The following DGKB variants were observed in gnomAD, a reference collection of about 807,000 sequenced individuals.
DGKB encodes the protein diacylglycerol kinase beta, also known as 90 kDa diacylglycerol kinase.
In DGKB, 67 loss-of-function variants were observed where a neutral mutation model predicts 114.3. The observed-to-expected ratio is 0.59, with a 90% CI of 0.48 to 0.72. DGKB has a LOEUF of 0.72. Among genes scored for constraint, DGKB ranks in the 30% least tolerant of loss-of-function variants. DGKB has a pLI of 0.00. For missense variants in DGKB, 907 were observed against 975.2 expected, an observed-to-expected ratio of 0.93 and a Z score of 0.93; for synonymous variants, 398 against 323.1, an observed-to-expected ratio of 1.23 and a Z score of -2.49.
At chr7:14,268,328 G>A (rs1027270583) in intron 23 of DGKB, among the ~76,000 whole-genome samples, 3 of 151,836 alleles carry the variant, frequency 2.0e-5, no homozygotes, top group Non-Finnish European at 2.9e-5. Context: ...CCACCCACAG[G>A]CAGCTGCTCT....
At chr7:14,628,618 T>C (rs1809086643) in intron 14 of DGKB, among the ~76,000 whole-genome samples, 1 of 152,164 alleles carries the variant, frequency 6.6e-6, no homozygotes, top group East Asian at 1.9e-4. Flanking sequence ...TTAATGTATG[T>C]ATATATCTTT....
intron 2 of DGKB, among the ~76,000 whole-genome samples, chr7:14,781,865 C>G (rs1328316407): frequency 6.6e-6 from 1 of 152,112 alleles, no homozygotes; most frequent in Non-Finnish European, 1.5e-5. Flanking sequence ...CCATAACCAG[C>G]TAAATCAGAA....
intron 21 of DGKB, among the ~76,000 whole-genome samples, chr7:14,467,465 G>T (rs966751774): frequency 6.6e-5 from 10 of 150,936 alleles, no homozygotes; most frequent in Non-Finnish European, 1.3e-4. Flanking sequence ...ATATATGTAC[G>T]CATATTATAT....
intron 13 of DGKB, among the ~76,000 whole-genome samples, chr7:14,656,268 T>C (rs1446286688): frequency 6.6e-6 from 1 of 151,686 alleles, no homozygotes; most frequent in Non-Finnish European, 1.5e-5. Context: ...TATTTTTGAT[T>C]TGTGGGACTA....
At chr7:14,841,137 G>GTGCT in intron 2 of DGKB, 57 bp downstream of exon 2, 1 of 1,408,164 alleles carries the variant, frequency 7.1e-7, no homozygotes, top group Admixed American at 2.0e-5. Context: ...ATAAATAAAT[G>GTGCT]ATACTTTGTC....
intron 23 of DGKB, among the ~76,000 whole-genome samples, chr7:14,196,614 T>C (rs112580611): frequency 6.6e-6 from 1 of 152,088 alleles, no homozygotes; most frequent in East Asian, 1.9e-4. Context: ...CATTTGTAAA[T>C]AACCATAAGA....
chr7:14,701,098 G>A (rs376719275), intron 7 of DGKB, among the ~76,000 whole-genome samples: 16 of 128,002 alleles, frequency 1.2e-4, no homozygotes, highest in East Asian at 5.2e-4. Context: ...ATCATATAAA[G>A]ATGGTATTTT....
At chr7:14,413,297 A>C (rs1690861694) in intron 21 of DGKB, among the ~76,000 whole-genome samples, 1 of 152,174 alleles carries the variant, frequency 6.6e-6, no homozygotes, top group Admixed American at 6.6e-5. Context: ...GATGACATAG[A>C]ACTTTTACTT....
intron 1 of DGKB, among the ~76,000 whole-genome samples, chr7:14,848,676 T>A (rs1411638063): frequency 6.6e-6 from 1 of 152,216 alleles, no homozygotes; most frequent in Non-Finnish European, 1.5e-5. Flanking sequence ...GTACTTCTTC[T>A]TGTCTTCAGA....
intron 21 of DGKB, among the ~76,000 whole-genome samples, chr7:14,349,338 T>C (rs1050087016): frequency 6.6e-6 from 1 of 152,070 alleles, no homozygotes; most frequent in Admixed American, 6.6e-5. Context: ...TTTTGGCAGG[T>C]TCTGTGATCT....
chr7:14,160,099 A>AT (rs1459318110), intron 25 of DGKB, among the ~76,000 whole-genome samples: 17 of 152,200 alleles, frequency 1.1e-4, no homozygotes, highest in African/African-American at 3.6e-4. Flanking sequence ...GATATGATAT[A>AT]ATCTATCAAA....
chr7:14,535,455 C>T lies in DGKB; in HGVS notation c.1770+38757G>A, dbSNP rs534867580. On this transcript the variant is annotated intron_variant, in intron 20 of 25. Coordinates refer to ENST00000402815, the MANE Select transcript of DGKB (RefSeq NM_001350709.2). ...CTCAAATCAACAACCTAACTTTATACCTCAAGTAACTACAAAAAGAACACG... is the reference window on the plus strand; with the variant it reads ...CTCAAATCAACAACCTAACTTTATATCTCAAGTAACTACAAAAAGAACACG... Among the ~76,000 whole-genome samples the T allele has an allele frequency of 8.0e-5, 12 of 150,608 alleles. No homozygotes were observed. In the East Asian group the frequency reaches 9.7e-4, roughly 12 times the overall value.
intron 20 of DGKB, among the ~76,000 whole-genome samples, chr7:14,501,465 A>T (rs936632740): frequency 1.3e-5 from 2 of 151,946 alleles, no homozygotes; most frequent in Non-Finnish European, 2.9e-5. Context: ...AACAGTACAA[A>T]ATGAAAAGAG....
At chr7:14,203,084 T>C (rs1786150488) in intron 23 of DGKB, among the ~76,000 whole-genome samples, 1 of 143,394 alleles carries the variant, frequency 7.0e-6, no homozygotes, top group Non-Finnish European at 1.5e-5. Flanking sequence ...AAGGTGCAAA[T>C]GTGTGCAACG....
At chr7:14,604,456 A>AT (rs1454201494) in intron 17 of DGKB, among the ~76,000 whole-genome samples, 1 of 152,174 alleles carries the variant, frequency 6.6e-6, no homozygotes. Flanking sequence ...AGAGGAAAAT[A>AT]TTTTTAAAAA....
chr7:14,507,630 T>C (rs535918320), intron 20 of DGKB, among the ~76,000 whole-genome samples: 5 of 152,302 alleles, frequency 3.3e-5, no homozygotes, highest in Admixed American at 6.5e-5. Context: ...TCTTTTCAGG[T>C]ATCCAGGGAG....
At chr7:14,482,852 G>A (rs915156996) in intron 20 of DGKB, among the ~76,000 whole-genome samples, 3 of 152,078 alleles carry the variant, frequency 2.0e-5, no homozygotes, top group African/African-American at 7.2e-5. Context: ...ATAGCCACAA[G>A]TGGGATTATT....
chr7:14,522,654 T>C (rs947727403), intron 20 of DGKB, among the ~76,000 whole-genome samples: 3 of 152,186 alleles, frequency 2.0e-5, no homozygotes, highest in African/African-American at 7.2e-5. Context: ...GCCATGGTCT[T>C]ACAACTGAAG....
chr7:14,581,418 T>C (rs1373546649), intron 18 of DGKB, among the ~76,000 whole-genome samples: 2 of 152,186 alleles, frequency 1.3e-5, no homozygotes, highest in Admixed American at 6.6e-5. Flanking sequence ...TAAAAGTGAG[T>C]AAATTGCTAA....
Sources: allele counts gnomAD v4.1 joint callset (sites outside exome capture counted in the v4.1 genomes callset), GRCh38; gene constraint gnomAD v4.1.1; transcripts MANE v1.5; gene names NCBI Gene and HGNC (gene_info 2026-07-23, HGNC 2026-07-21).